LRRC4C: variants seen among roughly 807,000 people sequenced by gnomAD.
LRRC4C encodes leucine rich repeat containing 4C, also known as leucine-rich repeat-containing protein 4C.
In LRRC4C, 5 loss-of-function variants were observed where a neutral mutation model predicts 33.6. The observed-to-expected ratio is 0.15, with a 90% CI of 0.08 to 0.31. LRRC4C has a LOEUF of 0.31. Ranked by LOEUF, LRRC4C falls within the 10% of genes least tolerant of loss-of-function variation. The pLI, the probability that LRRC4C is intolerant of heterozygous loss-of-function variation, is 1.00. For missense variants in LRRC4C, 560 were observed against 796.7 expected, an observed-to-expected ratio of 0.70 and a Z score of 3.58; for synonymous variants, 329 against 302.0, an observed-to-expected ratio of 1.09 and a Z score of -0.93.
At chr11:40,653,062 T>G (rs78461589) in intron 2 of LRRC4C, among the ~76,000 whole-genome samples, 2,177 of 152,334 alleles carry the variant, frequency 0.014, 34 homozygotes, top group African/African-American at 0.049. Context: ...CTTTCCCATC[T>G]AAGAAGAACT....
chr11:40,578,838 C>A (rs1565522886), intron 3 of LRRC4C, among the ~76,000 whole-genome samples: 2 of 152,076 alleles, frequency 1.3e-5, no homozygotes, highest in Non-Finnish European at 2.9e-5. Context: ...AGATTTGTGT[C>A]TGTTTATTTA....
chr11:41,141,117 A>T (rs1008489957), intron 1 of LRRC4C, among the ~76,000 whole-genome samples: 1 of 152,206 alleles, frequency 6.6e-6, no homozygotes. Context: ...ACTTCAAAGC[A>T]AAAAGTTTTC....
intron 3 of LRRC4C, among the ~76,000 whole-genome samples, chr11:40,358,996 T>A (rs1316603391): frequency 6.6e-6 from 1 of 152,210 alleles, no homozygotes; most frequent in Non-Finnish European, 1.5e-5. Flanking sequence ...GCTAATGATT[T>A]TCATCAGCTT....
At chr11:40,228,375 G>C (rs927187655) in intron 5 of LRRC4C, among the ~76,000 whole-genome samples, 1 of 151,996 alleles carries the variant, frequency 6.6e-6, no homozygotes, top group Non-Finnish European at 1.5e-5. Context: ...CTATAGTTTG[G>C]ACTTTATTCC....
intron 2 of LRRC4C, among the ~76,000 whole-genome samples, chr11:40,796,614 A>C (rs1411034317): frequency 6.6e-6 from 1 of 151,778 alleles, no homozygotes; most frequent in Non-Finnish European, 1.5e-5. Flanking sequence ...TAGGGAAAAC[A>C]AAAGAGGGCT....
At chr11:40,931,937 T>G (rs1262031139) in intron 2 of LRRC4C, among the ~76,000 whole-genome samples, 1 of 152,100 alleles carries the variant, frequency 6.6e-6, no homozygotes, top group African/African-American at 2.4e-5. Flanking sequence ...ATCTATTAAT[T>G]GAAGTCATTA....
At chr11:40,178,914 C>T (rs1293719700) in intron 5 of LRRC4C, among the ~76,000 whole-genome samples, 1 of 152,210 alleles carries the variant, frequency 6.6e-6, no homozygotes. Flanking sequence ...CTCTTCTCTT[C>T]CTAGCCCCAG....
chr11:41,257,663 A>G lies in LRRC4C; in HGVS notation c.-496+201768T>C, dbSNP rs574705117. Among the ~76,000 whole-genome samples the G allele has an allele frequency of 3.3e-5, 5 of 152,200 alleles. No individual in the cohort carries two copies. In the South Asian group the frequency reaches 6.2e-4, roughly 19 times the overall value. On this transcript the variant is annotated intron_variant, in intron 1 of 6. Coordinates refer to ENST00000528697, the MANE Select transcript of LRRC4C (RefSeq NM_001258419.2). Reference sequence around the variant, plus strand: ...AGCTGGGAAAATCCAACAGGTCACCAGGGGGCAAAGGAGCTGGAAGGTGAA... The same window carrying G: ...AGCTGGGAAAATCCAACAGGTCACCGGGGGGCAAAGGAGCTGGAAGGTGAA...
At chr11:41,051,397 T>C (rs1048518170) in intron 1 of LRRC4C, among the ~76,000 whole-genome samples, 10 of 151,992 alleles carry the variant, frequency 6.6e-5, no homozygotes, top group Admixed American at 5.2e-4. Flanking sequence ...AAGGTAATTC[T>C]ACTTTACATC....
intron 2 of LRRC4C, among the ~76,000 whole-genome samples, chr11:40,764,868 G>A (rs951771046): frequency 6.6e-6 from 1 of 152,186 alleles, no homozygotes; most frequent in Non-Finnish European, 1.5e-5. Flanking sequence ...AAGACTTACA[G>A]CATTACTGGT....
intron 1 of LRRC4C, among the ~76,000 whole-genome samples, chr11:41,260,077 T>C: frequency 6.6e-6 from 1 of 152,062 alleles, no homozygotes; most frequent in East Asian, 1.9e-4. Context: ...TTATTTTTTG[T>C]CATTTTTTAA....
intron 3 of LRRC4C, among the ~76,000 whole-genome samples, chr11:40,441,136 T>C (rs1370615361): frequency 6.6e-6 from 1 of 152,160 alleles, no homozygotes; most frequent in African/African-American, 2.4e-5. Context: ...TCTTCGGGAA[T>C]CAGTCCCTCA....
chr11:40,272,223 A>G (rs1337390320), intron 4 of LRRC4C, among the ~76,000 whole-genome samples: 1 of 152,094 alleles, frequency 6.6e-6, no homozygotes, highest in Non-Finnish European at 1.5e-5. Context: ...TATTGTTAAC[A>G]TTTTTCTCCA....
chr11:41,210,559 T>C (rs988249096), intron 1 of LRRC4C, among the ~76,000 whole-genome samples: 1 of 152,136 alleles, frequency 6.6e-6, no homozygotes. Context: ...AGCATGAAAA[T>C]GGACTAATAC....
intron 3 of LRRC4C, among the ~76,000 whole-genome samples, chr11:40,444,907 G>A (rs1350879243): frequency 1.3e-5 from 2 of 152,148 alleles, no homozygotes; most frequent in African/African-American, 2.4e-5. Context: ...CTTACGTAAG[G>A]TACAAAGGGA....
intron 2 of LRRC4C, among the ~76,000 whole-genome samples, chr11:40,799,033 AT>A (rs1381035472): frequency 2.0e-5 from 3 of 152,210 alleles, no homozygotes; most frequent in Admixed American, 2.0e-4. Context: ...ATAAAATCAC[AT>A]TGTTCTCACA....
intron 1 of LRRC4C, among the ~76,000 whole-genome samples, chr11:41,190,747 C>T (rs1590887141): frequency 6.6e-6 from 1 of 152,036 alleles, no homozygotes; most frequent in Non-Finnish European, 1.5e-5. Context: ...CTAGTTTGGC[C>T]GTAGTTTATT....
At chr11:41,321,134 T>C (rs1950946680) in intron 1 of LRRC4C, among the ~76,000 whole-genome samples, 1 of 152,216 alleles carries the variant, frequency 6.6e-6, no homozygotes, top group African/African-American at 2.4e-5. Flanking sequence ...AATTTTTCCA[T>C]CTTAAGGTCA....
chr11:40,794,201 C>G (rs1950734586), intron 2 of LRRC4C, among the ~76,000 whole-genome samples: 1 of 151,926 alleles, frequency 6.6e-6, no homozygotes, highest in Non-Finnish European at 1.5e-5. Context: ...AATTATGGTT[C>G]AGGAATCTTC....
Sources: gnomAD v4.1 joint callset for allele counts (sites outside exome capture counted in the v4.1 genomes callset) on GRCh38, gnomAD v4.1.1 for gene constraint, MANE v1.5 for transcripts, NCBI Gene and HGNC (gene_info 2026-07-23, HGNC 2026-07-21) for gene names.